The following PRDM16 variants were observed in gnomAD, a reference collection of about 807,000 sequenced individuals.
PRDM16 encodes the protein histone-lysine N-methyltransferase PRDM16.
PRDM16 carries 23 observed loss-of-function variants against 110.6 expected under a neutral mutation model. That is an observed-to-expected ratio of 0.21 (90% confidence interval 0.15 to 0.29). PRDM16 has a LOEUF of 0.29. Ranked by LOEUF, PRDM16 falls within the 10% of genes least tolerant of loss-of-function variation. PRDM16 has a pLI of 1.00. For synonymous variants in PRDM16, 799 were observed against 781.8 expected (o/e 1.02, Z -0.37); for missense variants, 1,615 against 1,794.3 (o/e 0.90, Z 1.81).
intron 1 of PRDM16, among the ~76,000 whole-genome samples, chr1:3,146,516 CTCGGTGTGGGGTGTGTGTGCACGTGTGT>C (rs1323317881): frequency 6.9e-6 from 1 of 144,502 alleles, no homozygotes; most frequent in South Asian, 2.2e-4. Context: ...AGTGTGTGTG[CTCGGTGTGGGGTGTGTGTGCACGTGTGT>C]TCGGTGTGGG....
chr1:3,091,263 G>A lies in PRDM16; in HGVS notation c.37+21967G>A, dbSNP rs140788099. Among the ~76,000 whole-genome samples the A allele has an allele frequency of 1.0e-3, 157 of 152,310 alleles. 1 individual carries two copies. The highest frequency in any genetic ancestry group is 3.4e-3 in the Middle Eastern group (1 of 294). On this transcript the variant is annotated intron_variant, in intron 1 of 16. Transcript: ENST00000270722. ...AGGCTCTCTGAAACCCAGGGTATGC[G>A]GATGGGGAAACTGAGGCCTAGGGAG... is the stretch of plus-strand genomic sequence containing the variant.
chr1:3,116,627 G>A (rs934536221), intron 1 of PRDM16, among the ~76,000 whole-genome samples: 1 of 152,190 alleles, frequency 6.6e-6, no homozygotes, highest in African/African-American at 2.4e-5. Context: ...CGCAGCTCCG[G>A]CTCTGATGGC....
Position 3,073,802 on chromosome 1 carries a change from G to C in PRDM16, c.37+4506G>C, listed in dbSNP as rs1641825219. 5.3e-5 allele frequency among the ~76,000 whole-genome samples: 8 copies of C among 152,266 alleles called. 1 individual carries two copies. In the South Asian group the frequency reaches 1.7e-3, roughly 32 times the overall value. On this transcript the variant is annotated intron_variant, in intron 1 of 16. Transcript: ENST00000270722. ...TGGCGCCCCGACCCTGGCCCAGCGG[G>C]AGCGGCGCTCTCCCCTTCTAGAGCC... is the stretch of plus-strand genomic sequence containing the variant.
chr1:3,390,425 A>G lies in PRDM16; in HGVS notation c.573+5139A>G, dbSNP rs886689341. Among the ~76,000 whole-genome samples the G allele has an allele frequency of 6.6e-6, 1 of 152,166 alleles. No individual in the cohort carries two copies. Among genetic ancestry groups the G allele is most frequent in the Non-Finnish European group, 1.5e-5 (1 of 68,022 alleles). ...CCCTGGATTGAGAGAAGCAGCCCCA[A>G]TCTGCATAGCGCCCTGGGGCTGCCT... is the stretch of plus-strand genomic sequence containing the variant. On this transcript the variant is annotated intron_variant, in intron 4 of 16. Transcript: ENST00000270722. The surrounding 1 kb of genome is among the most constrained non-coding windows in gnomAD (Gnocchi z 5.0).
At chr1:3,138,004 G>A (rs1036194942) in intron 1 of PRDM16, among the ~76,000 whole-genome samples, 8 of 152,252 alleles carry the variant, frequency 5.3e-5, no homozygotes, top group African/African-American at 1.9e-4. Flanking sequence ...GGAGGGGCCT[G>A]TGTGCAGAGC....
intron 1 of PRDM16, among the ~76,000 whole-genome samples, chr1:3,141,216 G>A (rs1643543783): frequency 2.0e-5 from 3 of 152,106 alleles, no homozygotes. Context: ...TAGACTTATG[G>A]GCCAATTTGG....
chr1:3,137,599 T>G (rs912900023), intron 1 of PRDM16, among the ~76,000 whole-genome samples: 1 of 152,120 alleles, frequency 6.6e-6, no homozygotes, highest in African/African-American at 2.4e-5. Flanking sequence ...TGGCTTTGTG[T>G]GGATGGAGGA....
At position 3,411,857 on chromosome 1, in the gene PRDM16, C is replaced by A; in HGVS notation, c.1660C>A (p.Pro554Thr). The change falls in exon 9 of 17, where the codon CCA (proline) becomes ACA (threonine). Residue 554 changes from proline to threonine, a missense_variant. Physicochemically the swap from Pro to Thr is conservative, Grantham distance 38. Around this residue, in one of 5 missense-constraint regions of PRDM16, gnomAD observed 772 missense variants for 748.3 expected, o/e 1.03. Coordinates refer to ENST00000270722, the MANE Select transcript of PRDM16 (RefSeq NM_022114.4). ...CAAGCTCCCCAGTCCCCTGGGGAAC[C>A]CAGCCCTGCCCCTGGTCTCCGCCGT... ...DAKLPSPLGN[P>T]ALPLVSAVSN... The A allele has an allele frequency of 6.2e-7, 1 of 1,611,686 alleles. No homozygotes were observed. The highest frequency in any genetic ancestry group is 8.5e-7 in the Non-Finnish European group (1 of 1,178,664).
chr1:3,321,116 CAAAG>C (rs1299408073), intron 3 of PRDM16, among the ~76,000 whole-genome samples: 1 of 152,192 alleles, frequency 6.6e-6, no homozygotes, highest in East Asian at 1.9e-4. Flanking sequence ...GGGACTTTCA[CAAAG>C]GAAGAGGAAC....
At chr1:3,334,191 TTTACC>T (rs1233831917) in intron 3 of PRDM16, among the ~76,000 whole-genome samples, 1 of 152,090 alleles carries the variant, frequency 6.6e-6, no homozygotes, top group Non-Finnish European at 1.5e-5. Flanking sequence ...AGGACGAGTG[TTTACC>T]AGGCCTTGAG....
At chr1:3,089,712 G>C (rs1284280948) in intron 1 of PRDM16, among the ~76,000 whole-genome samples, 2 of 152,212 alleles carry the variant, frequency 1.3e-5, no homozygotes, top group African/African-American at 4.8e-5. Flanking sequence ...GAATTTCCCT[G>C]GTCATTACGT....
chr1:3,418,115 A>C, intron 11 of PRDM16, 118 bp downstream of exon 11: 6 of 831,828 alleles, frequency 7.2e-6, no homozygotes, highest in Non-Finnish European at 1.1e-5. Context: ...AAAGCACAGC[A>C]CTGCAATCAG....
chr1:3,367,227 C>A (rs1226346304), intron 3 of PRDM16, among the ~76,000 whole-genome samples: 1 of 152,056 alleles, frequency 6.6e-6, no homozygotes, highest in Non-Finnish European at 1.5e-5. Flanking sequence ...CGAGATGGCA[C>A]CATTGCACTC....
intron 3 of PRDM16, among the ~76,000 whole-genome samples, chr1:3,327,882 C>T (rs1553164074): frequency 6.6e-6 from 1 of 152,244 alleles, no homozygotes; most frequent in Non-Finnish European, 1.5e-5. Flanking sequence ...CTGTTACCCC[C>T]ATTCCACAGA....
In PRDM16 at chr1:3,193,551, C is replaced by T. The variant is rs148488673; in HGVS notation, c.387+7077C>T. ...CTGTCCACAGCCATGGACCTCCGCA[C>T]TCTCCATCCCATCCGGCTCTGGGGG... On this transcript the variant is annotated intron_variant, in intron 2 of 16. Transcript: ENST00000270722. 3.2e-3 allele frequency among the ~76,000 whole-genome samples: 485 copies of T among 152,320 alleles called. 4 individuals carry two copies. Among genetic ancestry groups the T allele is most frequent in the African/African-American group, 0.011 (445 of 41,584 alleles).
rs115736764 is a variant in PRDM16 at position 3,101,785 on chromosome 1, G to A, written c.37+32489G>A. On this transcript the variant is annotated intron_variant, in intron 1 of 16. Coordinates refer to ENST00000270722, the MANE Select transcript of PRDM16 (RefSeq NM_022114.4). ...AAGGAATGCCGGCCCAGCTCAGCAG[G>A]AGTGATCTGGAGCTTTCTATGTATG... 2.9e-3 allele frequency among the ~76,000 whole-genome samples: 448 copies of A among 152,338 alleles called. 5 individuals carry two copies. The highest frequency in any genetic ancestry group is 0.01 in the Middle Eastern group (3 of 294).
Position 3,418,661 on chromosome 1 carries a change from C to A in PRDM16, c.2862-6C>A, listed in dbSNP as rs754703811. ...CCCTCACCCTCCCCACCTCCCTCCA[C>A]CCCAGGTACTGTGGGAAGATCTTCC... On this transcript the variant is annotated splice_polypyrimidine_tract_variant and splice_region_variant and intron_variant, in intron 11 of 16. Transcript: ENST00000270722. 6.2e-7 allele frequency: 1 copy of A among 1,606,170 alleles called. No individual in the cohort carries two copies. The highest frequency in any genetic ancestry group is 8.5e-7 in the Non-Finnish European group (1 of 1,172,890).
intron 3 of PRDM16, among the ~76,000 whole-genome samples, chr1:3,313,192 G>A (rs1309561478): frequency 6.6e-6 from 1 of 152,254 alleles, no homozygotes; most frequent in African/African-American, 2.4e-5. Context: ...TCCACAGGCC[G>A]GCTGCCCACG....
intron 3 of PRDM16, among the ~76,000 whole-genome samples, chr1:3,263,992 A>G (rs1202165945): frequency 6.6e-6 from 1 of 152,136 alleles, no homozygotes; most frequent in Admixed American, 6.5e-5. Flanking sequence ...AGGGAGGGGC[A>G]GGACTTTGCC....
Sources: allele counts gnomAD v4.1 joint callset (sites outside exome capture counted in the v4.1 genomes callset), GRCh38; gene constraint gnomAD v4.1.1; regional missense constraint gnomAD v4.1.1; non-coding constraint Gnocchi (gnomAD v3.1); transcripts MANE v1.5; gene names NCBI Gene and HGNC (gene_info 2026-07-23, HGNC 2026-07-21).